The following PARP16 variants were observed in gnomAD, a reference collection of about 807,000 sequenced individuals.
PARP16 encodes the protein poly(ADP-ribose) polymerase family member 16, also known as protein mono-ADP-ribosyltransferase PARP16.
A neutral mutation model predicts 35.0 loss-of-function variants in PARP16; 31 were observed. The observed-to-expected ratio is 0.88, with a 90% confidence interval of 0.66 to 1.19. PARP16 has a LOEUF of 1.19. Ranked by LOEUF, PARP16 falls within the 50% of genes most tolerant of loss-of-function variation. PARP16 has a pLI of 0.00. For missense variants in PARP16, 424 were observed against 411.2 expected (o/e 1.03, Z -0.27); for synonymous variants, 162 against 169.5 (o/e 0.96, Z 0.34).
At chr15:65,285,849 T>C (rs1249480358) in intron 1 of PARP16, among the ~76,000 whole-genome samples, 1 of 152,200 alleles carries the variant, frequency 6.6e-6, no homozygotes, top group Non-Finnish European at 1.5e-5. Context: ...TGAAGACCAA[T>C]GTCTGGGCGG....
chr15:65,266,801 T>G (rs1159781878), intron 2 of PARP16, 33 bp from the exon 3 acceptor site: 19 of 1,513,010 alleles, frequency 1.3e-5, no homozygotes, highest in African/African-American at 2.7e-5. Flanking sequence ...AAATTTTATT[T>G]GGGGAGCTGG....
downstream of PARP16, among the ~76,000 whole-genome samples, chr15:65,255,701 G>A (rs114484989): frequency 6.6e-6 from 1 of 150,620 alleles, no homozygotes; most frequent in African/African-American, 2.5e-5. Flanking sequence ...TTGCAGGGAG[G>A]GGGGTTGGAG....
chr15:65,264,299 C>T lies in PARP16; in HGVS notation c.520-979G>A, dbSNP rs574770670. ...GTAATATCAAGCATGGCACTTATTCCTAATGATCCAGAATCCTCAACTTAA... is the reference window on the plus strand; with the variant it reads ...GTAATATCAAGCATGGCACTTATTCTTAATGATCCAGAATCCTCAACTTAA... On this transcript the variant is annotated intron_variant, in intron 3 of 5. Coordinates refer to ENST00000649807, the MANE Select transcript of PARP16 (RefSeq NM_001316943.2). Among the ~76,000 whole-genome samples the T allele has an allele frequency of 4.6e-5, 7 of 152,316 alleles. No homozygotes were observed. The South Asian group carries it at 1.2e-3, about 27-fold the overall frequency.
intron 1 of PARP16, among the ~76,000 whole-genome samples, chr15:65,285,793 C>G (rs1244054227): frequency 2.0e-5 from 3 of 152,176 alleles, no homozygotes; most frequent in Non-Finnish European, 4.4e-5. Context: ...TACATATGTA[C>G]TGGATGTTAC....
chr15:65,248,794 T>C (rs1180533703), intron 2 of PARP16, among the ~76,000 whole-genome samples: 1 of 152,076 alleles, frequency 6.6e-6, no homozygotes, highest in Non-Finnish European at 1.5e-5. Context: ...CGGCTCTTCC[T>C]CCTCCCCCAC....
chr15:65,245,308 C>T (rs1352291784), intron 3 of PARP16, among the ~76,000 whole-genome samples: 3 of 152,184 alleles, frequency 2.0e-5, no homozygotes, highest in African/African-American at 4.8e-5. Flanking sequence ...GGCTGCCTAG[C>T]CCCAGGAGAC....
intron 2 of PARP16, among the ~76,000 whole-genome samples, chr15:65,252,930 A>C (rs1392280879): frequency 6.6e-6 from 1 of 152,150 alleles, no homozygotes; most frequent in Non-Finnish European, 1.5e-5. Context: ...GGAGTTTGAG[A>C]CCAGCCTGGC....
At chr15:65,238,107 G>A (rs1392121240) in intron 3 of PARP16, among the ~76,000 whole-genome samples, 1 of 152,090 alleles carries the variant, frequency 6.6e-6, no homozygotes, top group Non-Finnish European at 1.5e-5. Flanking sequence ...CCAACATGGT[G>A]AAACCCTGCC....
At chr15:65,238,089 C>T (rs2088938640) in intron 3 of PARP16, among the ~76,000 whole-genome samples, 1 of 152,120 alleles carries the variant, frequency 6.6e-6, no homozygotes, top group African/African-American at 2.4e-5. Flanking sequence ...AGTTTGAGAC[C>T]AGCCTGGCCA....
chr15:65,245,283 TC>T (rs1246559141), intron 3 of PARP16, among the ~76,000 whole-genome samples: 2 of 152,008 alleles, frequency 1.3e-5, no homozygotes, highest in Non-Finnish European at 2.9e-5. Context: ...TCATGGAAAG[TC>T]CCCCTCTGGA....
chr15:65,262,305 T>A (rs1322760050), intron 4 of PARP16, among the ~76,000 whole-genome samples: 1 of 152,080 alleles, frequency 6.6e-6, no homozygotes, highest in African/African-American at 2.4e-5. Flanking sequence ...GCTCATTTTT[T>A]AATTTTAGTA....
chr15:65,271,533 C>T (rs897764337), intron 1 of PARP16, among the ~76,000 whole-genome samples: 24 of 152,114 alleles, frequency 1.6e-4, no homozygotes, highest in African/African-American at 5.8e-4. Context: ...CCTCGGCCTT[C>T]CAAAGTGCTG....
Position 65,271,129 on chromosome 15 carries a change from G to A in PARP16, c.175-57C>T. 5.0e-6 allele frequency: 8 copies of A among 1,589,894 alleles called. No homozygotes were observed. In the South Asian group the frequency reaches 7.7e-5, roughly 15 times the overall value. On this transcript the variant is annotated intron_variant, in intron 1 of 5. Coordinates refer to ENST00000649807, the MANE Select transcript of PARP16 (RefSeq NM_001316943.2). Reference sequence around the variant, plus strand: ...GATCCCGGACACAGTGATAATCAGGGGCCCTCTAGTGGGAAGGCAGGCAAC... The same window carrying A: ...GATCCCGGACACAGTGATAATCAGGAGCCCTCTAGTGGGAAGGCAGGCAAC...
downstream of PARP16, among the ~76,000 whole-genome samples, chr15:65,255,502 C>T (rs1256300686): frequency 5.3e-5 from 8 of 151,868 alleles, no homozygotes; most frequent in Admixed American, 5.3e-4. Context: ...CATAACGTGG[C>T]CCTGCCCTAG....
chr15:65,238,377 T>C (rs1482034650), intron 3 of PARP16, among the ~76,000 whole-genome samples: 6 of 152,188 alleles, frequency 3.9e-5, no homozygotes, highest in Admixed American at 3.9e-4. Context: ...CAGAGGTAGA[T>C]GAAAAGAGAA....
At chr15:65,271,448 A>AT (rs1270218450) in intron 1 of PARP16, among the ~76,000 whole-genome samples, 1 of 151,694 alleles carries the variant, frequency 6.6e-6, no homozygotes, top group Non-Finnish European at 1.5e-5. Context: ...TACTTTTCAT[A>AT]TTTTTTGGTA....
chr15:65,240,467 C>T (rs1367035293), intron 3 of PARP16, among the ~76,000 whole-genome samples: 1 of 151,952 alleles, frequency 6.6e-6, no homozygotes, highest in African/African-American at 2.4e-5. Flanking sequence ...CAATCAATCG[C>T]CCACCTCAGC....
intron 2 of PARP16, among the ~76,000 whole-genome samples, chr15:65,269,947 G>C (rs559175411): frequency 6.6e-6 from 1 of 152,164 alleles, no homozygotes; most frequent in Non-Finnish European, 1.5e-5. Flanking sequence ...AGATTCACTA[G>C]GAATTAGCCA....
intron 3 of PARP16, among the ~76,000 whole-genome samples, chr15:65,264,442 G>C (rs2140872276): frequency 6.6e-6 from 1 of 152,320 alleles, no homozygotes; most frequent in South Asian, 2.1e-4. Flanking sequence ...GCTCACTGAA[G>C]AATATCTTAT....
Sources: gnomAD v4.1 joint callset for allele counts (sites outside exome capture counted in the v4.1 genomes callset) on GRCh38, gnomAD v4.1.1 for gene constraint, MANE v1.5 for transcripts, NCBI Gene and HGNC (gene_info 2026-07-23, HGNC 2026-07-21) for gene names.